The following CPED1 variants were observed in gnomAD, a reference collection of about 807,000 sequenced individuals.
CPED1 encodes cadherin-like and PC-esterase domain-containing protein 1.
In CPED1, 114 loss-of-function variants were observed where a neutral mutation model predicts 128.2. That is an observed-to-expected ratio of 0.89 (90% CI 0.76 to 1.04). The LOEUF is 1.04. Ranked by LOEUF, CPED1 falls within the 50% of genes least tolerant of loss-of-function variation. The probability of loss-of-function intolerance (pLI) is 0.00; values close to 1 mark genes in which losing one functional copy is unlikely to be tolerated. For synonymous variants in CPED1, 462 were observed against 426.7 expected (o/e 1.08, Z -1.02); for missense variants, 1,211 against 1,207.1 (o/e 1.00, Z -0.05).
At position 121,092,646 on chromosome 7, in the gene CPED1, G is replaced by A. The variant is rs553614468; in HGVS notation, c.617-5053G>A. On this transcript the variant is annotated intron_variant, in intron 5 of 22. Transcript: ENST00000310396. ...ATGTTTTCTCACCATTTTATACACT[G>A]CTTAAGAGGTGAAAGGGTGGTTGAT... is the stretch of plus-strand genomic sequence containing the variant. Among the ~76,000 whole-genome samples the A allele has an allele frequency of 1.5e-4, 23 of 152,290 alleles. No individual in the cohort carries two copies. In the South Asian group the frequency reaches 4.6e-3, roughly 30 times the overall value.
intron 7 of CPED1, among the ~76,000 whole-genome samples, chr7:121,102,345 AT>A (rs1794870273): frequency 6.6e-6 from 1 of 152,192 alleles, no homozygotes; most frequent in Non-Finnish European, 1.5e-5. Flanking sequence ...TCCTGCAGAC[AT>A]TATTTATTCC....
chr7:121,104,084 G>A (rs778141676), intron 7 of CPED1, among the ~76,000 whole-genome samples: 5 of 151,954 alleles, frequency 3.3e-5, no homozygotes, highest in Admixed American at 2.0e-4. Context: ...GTTTTGAAAG[G>A]GAAAAATTCG....
At chr7:121,025,052 T>C (rs1420661974) in intron 3 of CPED1, among the ~76,000 whole-genome samples, 1 of 152,168 alleles carries the variant, frequency 6.6e-6, no homozygotes, top group Non-Finnish European at 1.5e-5. Context: ...CAACTTTTAC[T>C]TTCTACTCTC....
Position 121,295,561 on chromosome 7 carries a change from T to C in CPED1, c.2990T>C (p.Phe997Ser), listed in dbSNP as rs371281407. Residue 997 changes from phenylalanine (F) to serine (S), a missense_variant, in exon 23 of 23, where the codon TTT becomes TCT. Coordinates refer to ENST00000310396, the MANE Select transcript of CPED1 (RefSeq NM_024913.5). ...SKLQQGTVTN[F>S]RSPYHVRGPI... ...CTACAACAAGGCACTGTAACAAATT[T>C]TCGATCGCCATATCATGTCAGAGGT... 9.0e-4 allele frequency: 1,454 copies of C among 1,614,118 alleles called. 26 individuals carry two copies. In the South Asian group the frequency reaches 0.015, roughly 17 times the overall value.
intron 2 of CPED1, among the ~76,000 whole-genome samples, chr7:121,012,045 A>G (rs1792173741): frequency 1.3e-5 from 2 of 152,108 alleles, no homozygotes; most frequent in African/African-American, 4.8e-5. Context: ...ATGTGAGAAA[A>G]CTCTGATGTG....
intron 5 of CPED1, among the ~76,000 whole-genome samples, chr7:121,082,891 TCTA>T (rs751471512): frequency 1.2e-4 from 19 of 152,358 alleles, no homozygotes; most frequent in East Asian, 7.7e-4. Context: ...ATTTACCTAT[TCTA>T]TTATTATTTA....
intron 5 of CPED1, among the ~76,000 whole-genome samples, chr7:121,090,955 A>G (rs1436784766): frequency 2.0e-5 from 3 of 151,932 alleles, no homozygotes; most frequent in African/African-American, 7.3e-5. Context: ...ATCTAAAAAA[A>G]TAAAAATAAA....
chr7:121,223,139 T>C (rs1241549358), intron 16 of CPED1, among the ~76,000 whole-genome samples: 1 of 152,196 alleles, frequency 6.6e-6, no homozygotes, highest in Admixed American at 6.5e-5. Context: ...CATCAATACC[T>C]AGTTTATTTT....
At position 121,295,440 on chromosome 7, in the gene CPED1, G is replaced by A. The variant is rs1213866548; in HGVS notation, c.2869G>A (p.Val957Ile). ...QGKCGCHFHEVVKSKLSKEYN... is the reference protein window; with the variant it reads ...QGKCGCHFHEIVKSKLSKEYN... ...CAGTTTTCTTGCTCTTCATTTACAGGTAGTGAAATCAAAGTTATCCAAAGA... is the reference window on the plus strand; with the variant it reads ...CAGTTTTCTTGCTCTTCATTTACAGATAGTGAAATCAAAGTTATCCAAAGA... The change falls in exon 23 of 23, where the codon GTA becomes ATA. Residue 957 changes from valine (V) to isoleucine (I), a missense_variant and splice_region_variant. Coordinates refer to ENST00000310396, the MANE Select transcript of CPED1 (RefSeq NM_024913.5). 6.2e-7 allele frequency: 1 copy of A among 1,608,892 alleles called. No individual in the cohort carries two copies. The highest frequency in any genetic ancestry group is 2.2e-5 in the East Asian group (1 of 44,540).
intron 2 of CPED1, among the ~76,000 whole-genome samples, chr7:121,011,635 C>T (rs1426641137): frequency 6.6e-6 from 1 of 152,086 alleles, no homozygotes; most frequent in African/African-American, 2.4e-5. Flanking sequence ...AAAACATGTG[C>T]TTTCATTTAG....
At chr7:121,064,816 A>G (rs548534176) in intron 5 of CPED1, among the ~76,000 whole-genome samples, 1 of 152,298 alleles carries the variant, frequency 6.6e-6, no homozygotes, top group Non-Finnish European at 1.5e-5. Flanking sequence ...TACCATCTTC[A>G]GTTTCCTCAT....
intron 5 of CPED1, among the ~76,000 whole-genome samples, chr7:121,093,396 GTACACACA>G (rs1220025641): frequency 1.2e-4 from 6 of 52,142 alleles, no homozygotes; most frequent in Non-Finnish European, 2.2e-4. Flanking sequence ...CCCTTTTTCT[GTACACACA>G]CACACACACA....
At chr7:121,089,356 A>G (rs1051866042) in intron 5 of CPED1, among the ~76,000 whole-genome samples, 1 of 152,202 alleles carries the variant, frequency 6.6e-6, no homozygotes, top group Non-Finnish European at 1.5e-5. Context: ...TTACTTTTAA[A>G]TAACATAGAA....
chr7:121,108,661 G>A (rs1191061273), intron 7 of CPED1, among the ~76,000 whole-genome samples: 2 of 151,980 alleles, frequency 1.3e-5, no homozygotes, highest in African/African-American at 4.8e-5. Context: ...GAATTTACTT[G>A]AGAGTGGTAT....
At chr7:121,145,184 C>T (rs996322918) in intron 16 of CPED1, among the ~76,000 whole-genome samples, 2 of 151,866 alleles carry the variant, frequency 1.3e-5, no homozygotes, top group Non-Finnish European at 2.9e-5. Context: ...AATTATACCT[C>T]AATAAATTAG....
At chr7:121,222,136 G>A (rs1206909734) in intron 16 of CPED1, among the ~76,000 whole-genome samples, 1 of 152,146 alleles carries the variant, frequency 6.6e-6, no homozygotes, top group African/African-American at 2.4e-5. Flanking sequence ...TTTTGTATAA[G>A]GTGTAAGGAA....
chr7:121,251,009 C>A (rs1452309613), intron 18 of CPED1, among the ~76,000 whole-genome samples: 2 of 151,922 alleles, frequency 1.3e-5, no homozygotes, highest in African/African-American at 4.8e-5. Context: ...AGAGACACAA[C>A]AAAAAAAGAG....
At chr7:121,133,930 A>G (rs1795730155) in intron 13 of CPED1, 37 bp downstream of exon 13, 1 of 1,294,116 alleles carries the variant, frequency 7.7e-7, no homozygotes, top group Non-Finnish European at 1.1e-6. Flanking sequence ...TTCAACATAA[A>G]AATAAGTATT....
At chr7:121,089,963 T>A (rs1016636255) in intron 5 of CPED1, among the ~76,000 whole-genome samples, 1 of 152,216 alleles carries the variant, frequency 6.6e-6, no homozygotes, top group African/African-American at 2.4e-5. Context: ...TCATGCTGTG[T>A]GGTCATTGCA....
Sources: allele counts gnomAD v4.1 joint callset (sites outside exome capture counted in the v4.1 genomes callset), GRCh38; gene constraint gnomAD v4.1.1; transcripts MANE v1.5; gene names NCBI Gene and HGNC (gene_info 2026-07-23, HGNC 2026-07-21).